TNS1: variants seen among roughly 807,000 people sequenced by gnomAD.
The protein encoded by TNS1 is tensin-1.
A neutral mutation model predicts 168.6 loss-of-function variants in TNS1; 62 were observed. The ratio of observed to expected loss-of-function variants is 0.37; its 90% CI spans 0.30 to 0.45. The LOEUF (loss-of-function observed/expected upper bound fraction) is 0.45. Ranked by LOEUF, TNS1 falls within the 20% of genes least tolerant of loss-of-function variation. The probability of loss-of-function intolerance (pLI) is 1.00; values close to 1 mark genes in which losing one functional copy is unlikely to be tolerated. For missense variants in TNS1, 2,240 were observed against 2,339.4 expected (o/e 0.96, Z 0.88); for synonymous variants, 934 against 933.2 (o/e 1.00, Z -0.02).
chr2:217,894,614 G>A (rs759844797), intron 9 of TNS1, among the ~76,000 whole-genome samples: 1 of 152,052 alleles, frequency 6.6e-6, no homozygotes, highest in Non-Finnish European at 1.5e-5. Context: ...CTGAGATCAC[G>A]CCACTGCACT....
At chr2:218,008,153 G>A (rs1958676296) in intron 1 of TNS1, among the ~76,000 whole-genome samples, 1 of 152,114 alleles carries the variant, frequency 6.6e-6, no homozygotes, top group Admixed American at 6.5e-5. Context: ...ATCACCCTGG[G>A]CGGAGACGTG....
chr2:218,003,738 T>C (rs2105985962), upstream of TNS1, among the ~76,000 whole-genome samples: 1 of 152,044 alleles, frequency 6.6e-6, no homozygotes, highest in African/African-American at 2.4e-5. Flanking sequence ...TTTTCTTGAC[T>C]GTACCCGGGG....
chr2:218,000,355 G>C (rs1229367347), intron 1 of TNS1, among the ~76,000 whole-genome samples: 4 of 152,218 alleles, frequency 2.6e-5, no homozygotes, highest in Non-Finnish European at 5.9e-5. Flanking sequence ...AGAGTAGCTG[G>C]TCAGAGTCCC....
At chr2:217,937,251 C>T in intron 3 of TNS1, 1 of 352,860 alleles carries the variant, frequency 2.8e-6, no homozygotes, top group Non-Finnish European at 5.6e-6. Flanking sequence ...AGCACCTTAA[C>T]TGGCATAGGG....
chr2:217,831,524 T>G lies in TNS1; in HGVS notation c.3304A>C (p.Lys1102Gln), dbSNP rs1251803674. 6.4e-7 allele frequency: 1 copy of G among 1,551,636 alleles called. No homozygotes were observed. The highest frequency in any genetic ancestry group is 8.7e-7 in the Non-Finnish European group (1 of 1,153,050). Residue 1102 changes from lysine to glutamine, a missense_variant, in exon 22 of 33, where the codon AAG becomes CAG. This residue lies in a region of TNS1 where 2,131 missense variants were observed against 2,171.2 expected (regional missense o/e 0.98). Transcript: ENST00000682258. ...AGGCCCAGAGCAGACAGGGGTGTCT[T>G]GGCCAGACCCGGGGGGGACCGCACT... ...SGVRSPPGLAKTPLSALGLKP... is the reference protein window; with the variant it reads ...SGVRSPPGLAQTPLSALGLKP...
At chr2:217,958,187 C>T (rs1364918151) in intron 3 of TNS1, among the ~76,000 whole-genome samples, 1 of 151,994 alleles carries the variant, frequency 6.6e-6, no homozygotes, top group African/African-American at 2.4e-5. Context: ...ACTTAGAATA[C>T]ATAAAAGGTT....
chr2:217,908,271 G>A (rs1953940237), intron 4 of TNS1, among the ~76,000 whole-genome samples: 1 of 152,108 alleles, frequency 6.6e-6, no homozygotes, highest in Admixed American at 6.5e-5. Context: ...ACTAAAGATG[G>A]TTTGATTTCT....
chr2:217,900,590 C>A lies in TNS1; in HGVS notation c.322-78G>T, dbSNP rs879014818. ...GAGGAGCACACCAGAGAGCTGTCCACGGGGGCAAACATGATCCTCTTCTTT... is the reference window on the plus strand; with the variant it reads ...GAGGAGCACACCAGAGAGCTGTCCAAGGGGGCAAACATGATCCTCTTCTTT... On this transcript the variant is annotated intron_variant, in intron 6 of 32. Transcript: ENST00000682258. 11 of 1,389,406 alleles carry A rather than the reference C, an allele frequency of 7.9e-6. No individual in the cohort carries two copies. The East Asian group carries it at 2.3e-4, about 29-fold the overall frequency. 86.1% of individuals were successfully genotyped at this position (1,389,406 alleles called of 1,614,324 possible).
At chr2:217,840,458 G>C (rs186358131) in intron 19 of TNS1, among the ~76,000 whole-genome samples, 8 of 152,252 alleles carry the variant, frequency 5.3e-5, no homozygotes, top group Middle Eastern at 6.3e-3. Context: ...ACTATCATCT[G>C]TCCACTTCTC....
intron 1 of TNS1, among the ~76,000 whole-genome samples, chr2:218,020,164 C>T (rs1409494071): frequency 2.0e-5 from 3 of 152,124 alleles, no homozygotes; most frequent in Non-Finnish European, 4.4e-5. Flanking sequence ...GCAATGAGAG[C>T]GAGCAGATGT....
At chr2:217,992,014 C>G (rs1958378688) in intron 1 of TNS1, among the ~76,000 whole-genome samples, 1 of 152,152 alleles carries the variant, frequency 6.6e-6, no homozygotes, top group Non-Finnish European at 1.5e-5. Flanking sequence ...CTCTGGATGG[C>G]ACCACACCCC....
At chr2:217,920,381 A>C in intron 3 of TNS1, 145 bp from the exon 4 acceptor site, 1 of 633,072 alleles carries the variant, frequency 1.6e-6, no homozygotes, top group Non-Finnish European at 2.9e-6. Flanking sequence ...TCAGCAGACT[A>C]TGGAGCAACA....
chr2:217,935,109 C>T (rs1266944486), intron 3 of TNS1, among the ~76,000 whole-genome samples: 1 of 152,242 alleles, frequency 6.6e-6, no homozygotes, highest in East Asian at 1.9e-4. Context: ...GAGCAGGCCC[C>T]TGAAGTTGAC....
In TNS1 at chr2:217,880,436, A is replaced by G. The variant is rs185825426; in HGVS notation, c.1429+462T>C. Among the ~76,000 whole-genome samples the G allele has an allele frequency of 3.3e-5, 5 of 152,270 alleles. No individual in the cohort carries two copies. Among genetic ancestry groups the G allele is most frequent in the African/African-American group, 1.2e-4 (5 of 41,542 alleles). ...CCTCTGTTCCTAGTACTCTGACCCCAGAGAACTCAGGCAGCAAGCCTGAAG... is the reference window on the plus strand; with the variant it reads ...CCTCTGTTCCTAGTACTCTGACCCCGGAGAACTCAGGCAGCAAGCCTGAAG... On this transcript the variant is annotated intron_variant, in intron 18 of 32. Coordinates refer to ENST00000682258, the MANE Select transcript of TNS1 (RefSeq NM_001387777.1). The surrounding 1 kb of genome is among the most constrained non-coding windows in gnomAD (Gnocchi z 4.2).
chr2:217,882,499 C>A, intron 16 of TNS1, 88 bp from the exon 17 acceptor site: 1 of 752,780 alleles, frequency 1.3e-6, no homozygotes, highest in South Asian at 1.7e-5. Flanking sequence ...AATTAAAATA[C>A]CATATATGTA....
At chr2:217,899,454 T>C (rs565592214) in intron 7 of TNS1, among the ~76,000 whole-genome samples, 6 of 152,184 alleles carry the variant, frequency 3.9e-5, no homozygotes, top group Non-Finnish European at 8.8e-5. Flanking sequence ...AGCAAGTGGG[T>C]GTGAGGGCGG....
rs547204079 is a variant in TNS1 at position 217,876,243 on chromosome 2, G to C, written c.1429+4655C>G. On this transcript the variant is annotated intron_variant, in intron 18 of 32. Transcript: ENST00000682258. The stretch of plus-strand genomic sequence containing the variant: ...TGGTTCAAGGCTTGCTTCCGAGAAG[G>C]CTTGCCCCGGAACACTATGGAGGAA... Among the ~76,000 whole-genome samples the C allele has an allele frequency of 1.5e-3, 229 of 152,294 alleles. 1 individual carries two copies. The highest frequency in any genetic ancestry group is 5.1e-3 in the African/African-American group (214 of 41,564).
At chr2:217,909,256 G>T (rs1954074459) in intron 4 of TNS1, among the ~76,000 whole-genome samples, 1 of 152,112 alleles carries the variant, frequency 6.6e-6, no homozygotes, top group African/African-American at 2.4e-5. Context: ...TCTCCTGTGG[G>T]AAGGAAGGGA....
rs116061193 is a variant in TNS1 at position 217,889,952 on chromosome 2, G to A, written c.866+1010C>T. Among the ~76,000 whole-genome samples, 516 of 152,320 alleles carry A rather than the reference G, an allele frequency of 3.4e-3. 7 individuals are homozygous for A. Among genetic ancestry groups the A allele is most frequent in the African/African-American group, 0.011 (469 of 41,576 alleles). On this transcript the variant is annotated intron_variant, in intron 12 of 32. Coordinates refer to ENST00000682258, the MANE Select transcript of TNS1 (RefSeq NM_001387777.1). ...GCCTGTGCCTTCCTGTGCATGAGAT[G>A]TCTTTGAGCAACATGTCACCCACGG...
Sources: allele counts gnomAD v4.1 joint callset (sites outside exome capture counted in the v4.1 genomes callset), GRCh38; gene constraint gnomAD v4.1.1; regional missense constraint gnomAD v4.1.1; non-coding constraint Gnocchi (gnomAD v3.1); transcripts MANE v1.5; gene names NCBI Gene and HGNC (gene_info 2026-07-23, HGNC 2026-07-21).